ATP10B: variants seen among roughly 807,000 people sequenced by gnomAD.
ATP10B encodes ATPase phospholipid transporting 10B (putative), also known as phospholipid-transporting ATPase VB.
ATP10B carries 122 observed loss-of-function variants against 141.2 expected under a neutral mutation model. The observed-to-expected ratio is 0.86, with a 90% confidence interval of 0.75 to 1.00. ATP10B has a LOEUF of 1.00. ATP10B is among the 50% of genes least tolerant of loss of function. The pLI is 0.00. For synonymous variants in ATP10B, 685 were observed against 692.0 expected, an observed-to-expected ratio of 0.99 and a Z score of 0.16; for missense variants, 1,876 against 1,825.3, an observed-to-expected ratio of 1.03 and a Z score of -0.51.
intron 6 of ATP10B, among the ~76,000 whole-genome samples, chr5:160,681,052 G>A (rs1386219959): frequency 1.3e-5 from 2 of 152,166 alleles, no homozygotes; most frequent in African/African-American, 2.4e-5. Context: ...GATCTAGGAC[G>A]CTGATTGAAC....
At chr5:160,925,681 T>C in the ATP10B span, among the ~76,000 whole-genome samples, 1 of 152,230 alleles carries the variant, frequency 6.6e-6, no homozygotes, top group Non-Finnish European at 1.5e-5. Context: ...TTTAAAACAG[T>C]TTGGTTTCAG....
intron 1 of ATP10B, among the ~76,000 whole-genome samples, chr5:160,807,512 CT>C (rs113889021): frequency 1.3e-5 from 2 of 151,992 alleles, no homozygotes; most frequent in South Asian, 4.1e-4. Context: ...CAATTGGATA[CT>C]TTTTTTAAGC....
At chr5:160,584,110 C>T (rs1755732750) in intron 24 of ATP10B, among the ~76,000 whole-genome samples, 1 of 152,188 alleles carries the variant, frequency 6.6e-6, no homozygotes, top group African/African-American at 2.4e-5. Flanking sequence ...CAGCTATCTC[C>T]ATGTCTGCCC....
chr5:160,872,999 C>T, the ATP10B span, among the ~76,000 whole-genome samples: 2 of 152,152 alleles, frequency 1.3e-5, no homozygotes, highest in Admixed American at 1.3e-4. Flanking sequence ...TTCTACCCAT[C>T]CATGAGCACG....
chr5:160,783,452 T>C (rs1167826842), intron 2 of ATP10B, among the ~76,000 whole-genome samples: 26 of 142,408 alleles, frequency 1.8e-4, no homozygotes, highest in Middle Eastern at 3.4e-3. Flanking sequence ...ATCACATATA[T>C]ATATATATAT....
chr5:160,873,745 C>A, the ATP10B span, among the ~76,000 whole-genome samples: 3 of 152,340 alleles, frequency 2.0e-5, no homozygotes, highest in East Asian at 3.9e-4. Context: ...TCAGGGAGGT[C>A]CCTTTCCGAG....
At chr5:160,605,833 C>T (rs1402721831) in intron 19 of ATP10B, among the ~76,000 whole-genome samples, 1 of 152,158 alleles carries the variant, frequency 6.6e-6, no homozygotes, top group African/African-American at 2.4e-5. Context: ...GTGAATAAGG[C>T]TGACATCTTT....
chr5:160,799,599 C>CA lies in ATP10B; in HGVS notation c.-575-13797dup, dbSNP rs1389571491. On this transcript the variant is annotated intron_variant, in intron 1 of 25. Coordinates refer to ENST00000327245, the MANE Select transcript of ATP10B (RefSeq NM_025153.3). ...TTTCTTCTAATTCTCAACACCACTT[C>CA]AGTATGAACTTAAAAATCAATGGAT... Among the ~76,000 whole-genome samples, 3 of 152,174 alleles carry CA rather than the reference C, an allele frequency of 2.0e-5. No homozygotes were observed. In the East Asian group the frequency reaches 5.8e-4, roughly 29 times the overall value.
At chr5:160,890,644 A>G in the ATP10B span, among the ~76,000 whole-genome samples, 1 of 152,256 alleles carries the variant, frequency 6.6e-6, no homozygotes, top group African/African-American at 2.4e-5. Flanking sequence ...GCAACATTCC[A>G]TTGTACTGAT....
At chr5:160,604,216 A>G (rs1044572579) in intron 19 of ATP10B, among the ~76,000 whole-genome samples, 175 bp from the exon 20 acceptor site, 2 of 152,206 alleles carry the variant, frequency 1.3e-5, no homozygotes, top group Admixed American at 1.3e-4. Flanking sequence ...TCTTTGGAAA[A>G]TAAGTCCTAC....
intron 1 of ATP10B, among the ~76,000 whole-genome samples, chr5:160,802,879 T>C (rs1198874073): frequency 6.6e-6 from 1 of 152,202 alleles, no homozygotes; most frequent in African/African-American, 2.4e-5. Context: ...GAGGTTTCTC[T>C]TCAGTTTCAC....
chr5:160,610,167 A>G (rs59836502), intron 18 of ATP10B, among the ~76,000 whole-genome samples: 4,870 of 152,238 alleles, frequency 0.032, 235 homozygotes, highest in African/African-American at 0.11. Flanking sequence ...TCTGCAAAAA[A>G]TGATGGGATG....
intron 23 of ATP10B, among the ~76,000 whole-genome samples, chr5:160,589,951 T>A (rs2127610955): frequency 6.6e-6 from 1 of 152,262 alleles, no homozygotes; most frequent in Non-Finnish European, 1.5e-5. Flanking sequence ...GAAGACAGAA[T>A]TCATTGAGAG....
chr5:160,670,462 C>T lies in ATP10B; in HGVS notation c.675+1G>A. 1.9e-6 allele frequency: 3 copies of T among 1,613,932 alleles called. No homozygotes were observed. Among genetic ancestry groups the T allele is most frequent in the Admixed American group, 1.7e-5 (1 of 60,000 alleles). ...ATTGAAGATATTAGAAAGAGCCCTA[C>T]CTGCTGTGAGAAGCCCTTCACGACA... On this transcript the variant is annotated splice_donor_variant, in intron 7 of 25. Coordinates refer to ENST00000327245, the MANE Select transcript of ATP10B (RefSeq NM_025153.3). LOFTEE classifies it high-confidence loss of function.
intron 9 of ATP10B, among the ~76,000 whole-genome samples, chr5:160,641,461 A>C (rs772924547): frequency 1.3e-5 from 2 of 152,222 alleles, no homozygotes; most frequent in Non-Finnish European, 2.9e-5. Context: ...AAAGTTTGAA[A>C]ACTACCAATC....
intron 3 of ATP10B, among the ~76,000 whole-genome samples, chr5:160,694,412 A>G (rs529401581): frequency 6.6e-6 from 1 of 152,272 alleles, no homozygotes; most frequent in East Asian, 1.9e-4. Context: ...GCTAATTTAT[A>G]CTCAGATCAC....
At chr5:160,797,552 G>A (rs993416879) in intron 1 of ATP10B, among the ~76,000 whole-genome samples, 1 of 152,114 alleles carries the variant, frequency 6.6e-6, no homozygotes, top group African/African-American at 2.4e-5. Context: ...TATATTCCAT[G>A]TTCCCTAAGT....
chr5:160,915,343 T>A, the ATP10B span, among the ~76,000 whole-genome samples: 1 of 151,932 alleles, frequency 6.6e-6, no homozygotes, highest in African/African-American at 2.4e-5. Context: ...TGACTTTTTT[T>A]TTTTTTGAGA....
chr5:160,870,379 C>T, the ATP10B span, among the ~76,000 whole-genome samples: 8 of 151,046 alleles, frequency 5.3e-5, no homozygotes, highest in African/African-American at 1.7e-4. Context: ...AAAAAAAATA[C>T]GAGGTGTACT....
Sources: gnomAD v4.1 joint callset for allele counts (sites outside exome capture counted in the v4.1 genomes callset) on GRCh38, gnomAD v4.1.1 for gene constraint, MANE v1.5 for transcripts, NCBI Gene and HGNC (gene_info 2026-07-23, HGNC 2026-07-21) for gene names.